Variants in LRRFIP2 observed in about 807,000 individuals in gnomAD.
The protein encoded by LRRFIP2 is leucine-rich repeat flightless-interacting protein 2.
LRRFIP2 carries 109 observed loss-of-function variants against 125.9 expected under a neutral mutation model. The observed-to-expected ratio is 0.87, with a 90% CI of 0.74 to 1.01. LRRFIP2 has a LOEUF of 1.01. LRRFIP2 is among the 50% of genes least tolerant of loss of function. LRRFIP2 has a pLI of 0.00. For missense variants in LRRFIP2, 850 were observed against 862.3 expected (o/e 0.99, Z 0.18); for synonymous variants, 291 against 293.1 (o/e 0.99, Z 0.07).
chr3:37,165,810 AAAGAAAG>A (rs575885345), intron 1 of LRRFIP2, among the ~76,000 whole-genome samples: 23,030 of 142,472 alleles, frequency 0.16, 2,318 homozygotes, highest in East Asian at 0.24. Context: ...AGAAAGAAAG[AAAGAAAG>A]AAAGAAAGAA....
At chr3:37,121,715 A>C in intron 4 of LRRFIP2, 24 bp from the exon 5 acceptor site, 1 of 1,609,774 alleles carries the variant, frequency 6.2e-7, no homozygotes, top group Non-Finnish European at 8.5e-7. Flanking sequence ...AAGTACATGG[A>C]GAGTTAATCA....
chr3:37,063,687 T>A, intron 24 of LRRFIP2, 55 bp downstream of exon 24: 1 of 1,305,784 alleles, frequency 7.7e-7, no homozygotes, highest in Non-Finnish European at 1.1e-6. Flanking sequence ...TTAGCCAGTA[T>A]TTTACCATGT....
At chr3:37,106,607 A>G (rs180884323) in intron 13 of LRRFIP2, among the ~76,000 whole-genome samples, 3 of 152,304 alleles carry the variant, frequency 2.0e-5, no homozygotes, top group African/African-American at 7.2e-5. Context: ...CAAGAGTTCA[A>G]ATCTAGCAGG....
At position 37,054,475 on chromosome 3, in the gene LRRFIP2, G is replaced by A. The variant is rs777219161; in HGVS notation, c.1991C>T (p.Ala664Val). 37 of 1,613,992 alleles carry A rather than the reference G, an allele frequency of 2.3e-5. 1 individual carries two copies. The South Asian group carries it at 3.8e-4, about 17-fold the overall frequency. The change falls in exon 27 of 28, where the codon GCT becomes GTT. Residue 664 changes from alanine (A) to valine (V), a missense_variant. Coordinates refer to ENST00000336686, the MANE Select transcript of LRRFIP2 (RefSeq NM_006309.4). ...LEGQVLRYKTAAENAEKVEDE... is the reference protein window; with the variant it reads ...LEGQVLRYKTVAENAEKVEDE... ...TTCAACTTTCTCAGCATTCTCAGCA[G>A]CAGTTTTATATCTCAGAACCTGTCC...
chr3:37,149,626 T>C (rs999422137), intron 1 of LRRFIP2, among the ~76,000 whole-genome samples: 2 of 152,092 alleles, frequency 1.3e-5, no homozygotes, highest in East Asian at 3.8e-4. Flanking sequence ...TAGAAGAAAA[T>C]GTTCAAGAGG....
intron 23 of LRRFIP2, chr3:37,064,586 CAAA>C (rs3067690): frequency 3.0e-5 from 3 of 101,148 alleles, no homozygotes; most frequent in African/African-American, 7.6e-5. Flanking sequence ...GACTTCGTCT[CAAA>C]AAAAAAAAAA....
chr3:37,121,756 G>A, intron 4 of LRRFIP2, 65 bp from the exon 5 acceptor site: 1 of 1,498,678 alleles, frequency 6.7e-7, no homozygotes. Context: ...CAGAACAACT[G>A]AGCAAAGAGC....
chr3:37,074,404 G>A (rs551065587), intron 20 of LRRFIP2, among the ~76,000 whole-genome samples: 3 of 152,192 alleles, frequency 2.0e-5, no homozygotes, highest in East Asian at 3.9e-4. Context: ...TAAAAACATC[G>A]TCTCAGGAGG....
At chr3:37,077,716 ATTAAAT>A (rs1375265590) in intron 19 of LRRFIP2, among the ~76,000 whole-genome samples, 2 of 152,194 alleles carry the variant, frequency 1.3e-5, no homozygotes, top group Admixed American at 1.3e-4. Context: ...GTAAAACAAA[ATTAAAT>A]TTAAAAAGCA....
chr3:37,078,410 A>G (rs765407338), intron 19 of LRRFIP2, among the ~76,000 whole-genome samples: 2 of 152,220 alleles, frequency 1.3e-5, no homozygotes, highest in African/African-American at 2.4e-5. Context: ...TGGTATTGCT[A>G]TTCTAGGCAA....
intron 24 of LRRFIP2, among the ~76,000 whole-genome samples, chr3:37,061,699 T>C (rs2088796413): frequency 6.6e-6 from 1 of 152,138 alleles, no homozygotes; most frequent in Non-Finnish European, 1.5e-5. Flanking sequence ...ACATCTTTTC[T>C]TTATAAATTA....
chr3:37,064,752 C>A (rs937381777), intron 23 of LRRFIP2: 1 of 152,222 alleles, frequency 6.6e-6, no homozygotes, highest in Admixed American at 6.5e-5. Context: ...AAAAAAGCAG[C>A]TGATACCTCG....
chr3:37,089,407 C>G lies in LRRFIP2; in HGVS notation c.1107+2060G>C, dbSNP rs570235776. Among the ~76,000 whole-genome samples the G allele has an allele frequency of 9.2e-5, 14 of 152,202 alleles. No homozygotes were observed. The South Asian group carries it at 1.0e-3, about 11-fold the overall frequency. On this transcript the variant is annotated intron_variant, in intron 18 of 27. Transcript: ENST00000336686. ...GGATGGAGGGGAGAGTGGTTGAGAGCATCCCAAAGGCAAACATAATAACAG... is the reference window on the plus strand; with the variant it reads ...GGATGGAGGGGAGAGTGGTTGAGAGGATCCCAAAGGCAAACATAATAACAG...
At chr3:37,168,775 G>A (rs2096544705) in intron 1 of LRRFIP2, among the ~76,000 whole-genome samples, 1 of 152,128 alleles carries the variant, frequency 6.6e-6, no homozygotes, top group African/African-American at 2.4e-5. Context: ...CTATACACGT[G>A]TGCCCTTTTA....
intron 19 of LRRFIP2, among the ~76,000 whole-genome samples, chr3:37,077,409 C>T (rs1278038872): frequency 1.3e-5 from 2 of 152,058 alleles, no homozygotes; most frequent in Non-Finnish European, 2.9e-5. Context: ...TCTACATGCA[C>T]GACAGCATTT....
intron 13 of LRRFIP2, among the ~76,000 whole-genome samples, chr3:37,107,845 A>C (rs2094400912): frequency 6.6e-6 from 1 of 152,234 alleles, no homozygotes; most frequent in Non-Finnish European, 1.5e-5. Flanking sequence ...TAAAAATTCT[A>C]ATGGCACTGG....
chr3:37,172,685 C>A (rs574111040), intron 1 of LRRFIP2: 1 of 152,190 alleles, frequency 6.6e-6, no homozygotes, highest in African/African-American at 2.4e-5. Flanking sequence ...TAGGCTAAAA[C>A]AAATGCATAC....
chr3:37,058,066 A>G (rs1208643201), intron 25 of LRRFIP2, among the ~76,000 whole-genome samples: 8 of 152,248 alleles, frequency 5.3e-5, no homozygotes, highest in South Asian at 2.1e-4. Flanking sequence ...AGTAGTTCCA[A>G]ATAGATTCGT....
chr3:37,076,626 G>A (rs2148943172), intron 19 of LRRFIP2, among the ~76,000 whole-genome samples: 1 of 152,290 alleles, frequency 6.6e-6, no homozygotes, highest in Admixed American at 6.5e-5. Flanking sequence ...CAGCACTTTG[G>A]GAGGCCGAGG....
Sources: gnomAD v4.1 joint callset for allele counts (sites outside exome capture counted in the v4.1 genomes callset) on GRCh38, gnomAD v4.1.1 for gene constraint, MANE v1.5 for transcripts, NCBI Gene and HGNC (gene_info 2026-07-23, HGNC 2026-07-21) for gene names.